The following NFU1 variants were observed in gnomAD, a reference collection of about 807,000 sequenced individuals.
The protein encoded by NFU1 is NFU1 iron-sulfur cluster scaffold homolog, mitochondrial.
Under a neutral mutation model 32.2 loss-of-function variants are expected in NFU1, and 30 were observed. The observed-to-expected ratio is 0.93, with a 90% CI of 0.70 to 1.26. The LOEUF (loss-of-function observed/expected upper bound fraction) is 1.26. Ranked by LOEUF, NFU1 falls within the 50% of genes most tolerant of loss-of-function variation. The pLI is 0.00. For synonymous variants in NFU1, 112 were observed against 104.6 expected (o/e 1.07, Z -0.43); for missense variants, 306 against 306.6 (o/e 1.00, Z 0.02).
chr2:69,437,227 G>A (rs1034754210), intron 1 of NFU1, 134 bp downstream of exon 1: 9 of 1,472,840 alleles, frequency 6.1e-6, no homozygotes, highest in Admixed American at 4.8e-5. Flanking sequence ...CCCCAACTAC[G>A]GCGACAGGGC....
At chr2:69,402,986 C>CCCCT (rs1672574920) in intron 6 of NFU1, among the ~76,000 whole-genome samples, 2 of 150,038 alleles carry the variant, frequency 1.3e-5, no homozygotes, top group Admixed American at 1.3e-4. Flanking sequence ...CTTTTCTTTT[C>CCCCT]CCCTCCCTCC....
chr2:69,434,250 T>C (rs149928123), intron 1 of NFU1, among the ~76,000 whole-genome samples: 1 of 151,856 alleles, frequency 6.6e-6, no homozygotes, highest in African/African-American at 2.4e-5. Context: ...GTTCAAGCAA[T>C]TCTCCGCCTC....
At chr2:69,407,594 G>A (rs755278985) in intron 5 of NFU1, among the ~76,000 whole-genome samples, 22 of 146,848 alleles carry the variant, frequency 1.5e-4, no homozygotes, top group Non-Finnish European at 3.1e-4. Context: ...AGAATCACTT[G>A]AACCCAGATG....
intron 3 of NFU1, among the ~76,000 whole-genome samples, chr2:69,420,715 AC>A (rs1267005573): frequency 1.3e-5 from 2 of 152,162 alleles, no homozygotes; most frequent in Non-Finnish European, 2.9e-5. Flanking sequence ...GGTTTTTAAA[AC>A]CCAGTAGTGA....
intron 3 of NFU1, among the ~76,000 whole-genome samples, chr2:69,421,597 T>C (rs1673244709): frequency 7.6e-6 from 1 of 130,794 alleles, no homozygotes; most frequent in Non-Finnish European, 1.6e-5. Flanking sequence ...TGAGACAGTC[T>C]CGCTCTGTCG....
chr2:69,435,916 C>T (rs956815204), intron 1 of NFU1, among the ~76,000 whole-genome samples: 2 of 135,502 alleles, frequency 1.5e-5, no homozygotes, highest in African/African-American at 5.4e-5. Flanking sequence ...CCACGCCCAG[C>T]TTTTTTTTTT....
intron 2 of NFU1, among the ~76,000 whole-genome samples, chr2:69,426,529 G>A (rs947631080): frequency 3.3e-5 from 5 of 151,260 alleles, no homozygotes; most frequent in African/African-American, 4.9e-5. Flanking sequence ...CAGGTGATCC[G>A]CCTGCCTTGG....
intron 6 of NFU1, among the ~76,000 whole-genome samples, chr2:69,405,179 G>A (rs867443515): frequency 6.6e-6 from 1 of 152,076 alleles, no homozygotes; most frequent in South Asian, 2.1e-4. Flanking sequence ...CCCGGGAGGC[G>A]AGGCTGTAGT....
At chr2:69,396,115 C>G (rs753447768), downstream of NFU1, 2 of 739,510 alleles carry the variant, frequency 2.7e-6, no homozygotes, top group Admixed American at 4.8e-5. Context: ...AGCAAACATG[C>G]AATATTTATA....
At chr2:69,431,867 GA>G in intron 2 of NFU1, 34 bp downstream of exon 2, 3 of 1,298,024 alleles carry the variant, frequency 2.3e-6, no homozygotes, top group Non-Finnish European at 3.4e-6. Context: ...ATCAGTTTCT[GA>G]AACACAACTG....
intron 3 of NFU1, among the ~76,000 whole-genome samples, chr2:69,422,912 C>G (rs1157918387): frequency 6.6e-6 from 1 of 151,978 alleles, no homozygotes; most frequent in African/African-American, 2.4e-5. Flanking sequence ...CAGGGTTTCA[C>G]CATGTTGCCC....
chr2:69,414,618 T>TAA (rs57180785), intron 5 of NFU1, among the ~76,000 whole-genome samples: 7 of 81,178 alleles, frequency 8.6e-5, no homozygotes, highest in East Asian at 7.3e-4. Context: ...AGTCTGTCTC[T>TAA]AAAAAAAAAA....
intron 3 of NFU1, among the ~76,000 whole-genome samples, chr2:69,420,782 A>G (rs1464651260): frequency 6.6e-6 from 1 of 152,236 alleles, no homozygotes; most frequent in Non-Finnish European, 1.5e-5. Flanking sequence ...AAAACAGAAC[A>G]ACAAAAAGAG....
chr2:69,397,111 A>G (rs1672365850), intron 7 of NFU1, among the ~76,000 whole-genome samples: 1 of 152,124 alleles, frequency 6.6e-6, no homozygotes, highest in Admixed American at 6.6e-5. Flanking sequence ...TTCTCTAGCC[A>G]TAAGACTAAT....
chr2:69,438,253 T>G (rs955532333), upstream of NFU1, among the ~76,000 whole-genome samples: 1 of 151,950 alleles, frequency 6.6e-6, no homozygotes, highest in African/African-American at 2.4e-5. Flanking sequence ...ACTTGCTTTT[T>G]TTTTTTTTCT....
upstream of NFU1, chr2:69,437,451 T>A (rs781253945): frequency 1.0e-5 from 16 of 1,606,612 alleles, no homozygotes; most frequent in East Asian, 3.1e-4. Context: ...AGGGTCTCCC[T>A]GACAGAACCA....
chr2:69,416,000 GA>G (rs1316768554), intron 4 of NFU1, among the ~76,000 whole-genome samples: 1 of 148,448 alleles, frequency 6.7e-6, no homozygotes, highest in African/African-American at 2.5e-5. Context: ...AAGGAAGAAA[GA>G]AAAAAGAGAA....
chr2:69,397,906 C>G (rs1672391875), intron 7 of NFU1, among the ~76,000 whole-genome samples: 1 of 106,502 alleles, frequency 9.4e-6, no homozygotes, highest in Admixed American at 1.0e-4. Context: ...AAGAGTGAAA[C>G]TACGTCTCAA....
intron 4 of NFU1, among the ~76,000 whole-genome samples, chr2:69,419,220 G>GA (rs1210112129): frequency 6.6e-6 from 1 of 151,994 alleles, no homozygotes; most frequent in Non-Finnish European, 1.5e-5. Context: ...GTGGCGGGGG[G>GA]GGGCGCCGAG....
Sources: allele counts gnomAD v4.1 joint callset (sites outside exome capture counted in the v4.1 genomes callset), GRCh38; gene constraint gnomAD v4.1.1; transcripts MANE v1.5; gene names NCBI Gene and HGNC (gene_info 2026-07-23, HGNC 2026-07-21).